The following KCNQ5 variants were observed in gnomAD, a reference collection of about 807,000 sequenced individuals.
KCNQ5 encodes potassium voltage-gated channel subfamily Q member 5.
KCNQ5 carries 30 observed loss-of-function variants against 98.2 expected under a neutral mutation model. The ratio of observed to expected loss-of-function variants is 0.31; its 90% CI spans 0.23 to 0.41. The LOEUF (loss-of-function observed/expected upper bound fraction) is 0.41. Among genes scored for constraint, KCNQ5 ranks in the 10% least tolerant of loss-of-function variants. The probability of loss-of-function intolerance (pLI) is 1.00; values close to 1 mark genes in which losing one functional copy is unlikely to be tolerated. For synonymous variants in KCNQ5, 458 were observed against 449.4 expected, an observed-to-expected ratio of 1.02 and a Z score of -0.24; for missense variants, 835 against 1,182.5, an observed-to-expected ratio of 0.71 and a Z score of 4.31.
chr6:72,819,877 C>A (rs540224833), intron 1 of KCNQ5, among the ~76,000 whole-genome samples: 2 of 152,322 alleles, frequency 1.3e-5, no homozygotes, highest in South Asian at 4.1e-4. Flanking sequence ...TCCTTGGCAG[C>A]CTGTTGACTT....
intron 11 of KCNQ5, among the ~76,000 whole-genome samples, chr6:73,182,103 T>C (rs1031872354): frequency 6.6e-6 from 1 of 152,232 alleles, no homozygotes; most frequent in Admixed American, 6.5e-5. Context: ...TCATTTATTC[T>C]TGGCTTCAGG....
At chr6:73,027,999 A>G (rs1030446975) in intron 2 of KCNQ5, among the ~76,000 whole-genome samples, 1 of 152,222 alleles carries the variant, frequency 6.6e-6, no homozygotes, top group Non-Finnish European at 1.5e-5. Context: ...CTGTACTTTC[A>G]GTGACTCTAG....
Position 73,195,159 on chromosome 6 carries a change from G to A in KCNQ5, c.2544G>A (p.Gly848=), listed in dbSNP as rs750719126. The change falls in exon 14 of 14, where the codon GGG becomes GGA. Residue 848 remains glycine (G), a synonymous_variant. Coordinates refer to ENST00000370398, the MANE Select transcript of KCNQ5 (RefSeq NM_019842.4). ...STEELNIQLS[G]SESSGSRGSQ... is the part of the protein sequence containing the mutation. ...AGGAACTGAATATACAACTTTCAGG[G>A]AGTGAGTCAAGTGGCTCCAGAGGCA... 1 of 1,614,184 alleles carries A rather than the reference G, an allele frequency of 6.2e-7. No individual in the cohort carries two copies. Among genetic ancestry groups the A allele is most frequent in the South Asian group, 1.1e-5 (1 of 91,064 alleles).
intron 2 of KCNQ5, among the ~76,000 whole-genome samples, chr6:73,022,449 C>T (rs951533920): frequency 1.3e-5 from 2 of 152,074 alleles, no homozygotes; most frequent in Non-Finnish European, 2.9e-5. Flanking sequence ...CGAGACCAGC[C>T]TGAGCAACAC....
chr6:73,150,832 A>G (rs34250139), intron 10 of KCNQ5, among the ~76,000 whole-genome samples: 28,020 of 148,066 alleles, frequency 0.19, 6,797 homozygotes, highest in African/African-American at 0.56. Flanking sequence ...ATATATATAT[A>G]TGTGTGTGTG....
intron 1 of KCNQ5, among the ~76,000 whole-genome samples, chr6:72,850,925 G>C (rs1431736546): frequency 1.3e-5 from 2 of 151,756 alleles, no homozygotes; most frequent in Non-Finnish European, 2.9e-5. Context: ...TTTATAAAAA[G>C]AGTGAGAGAA....
intron 1 of KCNQ5, among the ~76,000 whole-genome samples, chr6:72,846,813 T>C (rs1161790581): frequency 1.3e-5 from 2 of 152,238 alleles, no homozygotes; most frequent in African/African-American, 4.8e-5. Flanking sequence ...TAAAAGGTCC[T>C]ATTGCAATTT....
intron 1 of KCNQ5, among the ~76,000 whole-genome samples, chr6:72,672,855 A>G (rs746676729): frequency 6.6e-6 from 1 of 152,250 alleles, no homozygotes; most frequent in Non-Finnish European, 1.5e-5. Flanking sequence ...AGCATAAAAA[A>G]TGATAGGAAT....
intron 2 of KCNQ5, among the ~76,000 whole-genome samples, chr6:73,005,291 A>T (rs1582176342): frequency 6.6e-6 from 1 of 152,226 alleles, no homozygotes; most frequent in African/African-American, 2.4e-5. Context: ...CCCTTTTGAT[A>T]ACACAAATGA....
At position 73,141,489 on chromosome 6, in the gene KCNQ5, T is replaced by C. The variant is rs1776708695; in HGVS notation, c.1468+7848T>C. On this transcript the variant is annotated intron_variant, in intron 10 of 13. Coordinates refer to ENST00000370398, the MANE Select transcript of KCNQ5 (RefSeq NM_019842.4). ...TGGCTTTCTACTCTAATCCAAGTGC[T>C]CTTTGTATTATAGAACAGGATTTCT... Among the ~76,000 whole-genome samples, 3 of 152,254 alleles carry C rather than the reference T, an allele frequency of 2.0e-5. No individual in the cohort carries two copies. The South Asian group carries it at 6.2e-4, about 31-fold the overall frequency.
At chr6:72,709,517 G>C (rs1178923519) in intron 1 of KCNQ5, among the ~76,000 whole-genome samples, 2 of 152,120 alleles carry the variant, frequency 1.3e-5, no homozygotes, top group African/African-American at 4.8e-5. Flanking sequence ...CTTAAACTGA[G>C]GGTATACCCC....
intron 7 of KCNQ5, among the ~76,000 whole-genome samples, chr6:73,112,667 G>C (rs1354462816): frequency 6.6e-6 from 1 of 152,110 alleles, no homozygotes; most frequent in African/African-American, 2.4e-5. Context: ...TTTTAATTTA[G>C]ATTGTAGGTT....
chr6:72,662,758 T>C (rs1183239280), intron 1 of KCNQ5, among the ~76,000 whole-genome samples: 1 of 152,210 alleles, frequency 6.6e-6, no homozygotes, highest in Admixed American at 6.5e-5. Context: ...TGTTTTGTTT[T>C]GTTTAAGCTG....
intron 2 of KCNQ5, among the ~76,000 whole-genome samples, chr6:73,012,598 A>T (rs1179292591): frequency 6.6e-6 from 1 of 152,116 alleles, no homozygotes; most frequent in African/African-American, 2.4e-5. Flanking sequence ...ACTGAACCAT[A>T]CTTTAAAATG....
chr6:72,653,864 A>G (rs997438532), intron 1 of KCNQ5, among the ~76,000 whole-genome samples: 2 of 152,108 alleles, frequency 1.3e-5, no homozygotes, highest in African/African-American at 2.4e-5. Flanking sequence ...GTTTCATATC[A>G]AATTACATAT....
At chr6:73,157,841 G>C (rs1440353006) in intron 10 of KCNQ5, 1 of 779,678 alleles carries the variant, frequency 1.3e-6, no homozygotes, top group Non-Finnish European at 2.4e-6. Context: ...GCAAACTCTA[G>C]CCTCATGATC....
At chr6:72,769,896 AAGTCAGCC>A (rs1772769405) in intron 1 of KCNQ5, among the ~76,000 whole-genome samples, 1 of 152,118 alleles carries the variant, frequency 6.6e-6, no homozygotes, top group African/African-American at 2.4e-5. Context: ...TAGAAGTGGG[AAGTCAGCC>A]AGACTAAGAA....
At chr6:72,794,838 AC>A (rs1774246421) in intron 1 of KCNQ5, among the ~76,000 whole-genome samples, 1 of 152,216 alleles carries the variant, frequency 6.6e-6, no homozygotes, top group Non-Finnish European at 1.5e-5. Context: ...AATGAAAATG[AC>A]TAGAATTTTG....
chr6:73,194,504 T>G lies in KCNQ5; in HGVS notation c.1889T>G (p.Val630Gly), dbSNP rs1451344031. 1 of 1,613,944 alleles carries G rather than the reference T, an allele frequency of 6.2e-7. No individual in the cohort carries two copies. Among genetic ancestry groups the G allele is most frequent in the Admixed American group, 1.7e-5 (1 of 59,998 alleles). The change falls in exon 14 of 14, where the codon GTC (valine) becomes GGC (glycine). Residue 630 changes from valine to glycine, a missense_variant. Transcript: ENST00000370398. ...LDCLLDIYQQVLRKGSASALA... is the reference protein window; with the variant it reads ...LDCLLDIYQQGLRKGSASALA... ...TGCCTACTAGACATCTATCAACAGG[T>G]CCTTCGGAAAGGCTCTGCCTCAGCC...
Sources: gnomAD v4.1 joint callset for allele counts (sites outside exome capture counted in the v4.1 genomes callset) on GRCh38, gnomAD v4.1.1 for gene constraint, MANE v1.5 for transcripts, NCBI Gene and HGNC (gene_info 2026-07-23, HGNC 2026-07-21) for gene names.